ARHGEF10: variants seen among roughly 807,000 people sequenced by gnomAD.
The protein encoded by ARHGEF10 is Rho guanine nucleotide exchange factor (GEF) 10.
In ARHGEF10, 140 loss-of-function variants were observed where a neutral mutation model predicts 147.4. That is an observed-to-expected ratio of 0.95 (90% CI 0.83 to 1.09). The LOEUF (loss-of-function observed/expected upper bound fraction) is 1.09. Among genes scored for constraint, ARHGEF10 ranks in the 50% least tolerant of loss-of-function variants. The pLI is 0.00. For missense variants in ARHGEF10, 2,222 were observed against 1,752.7 expected (o/e 1.27, Z -4.78); for synonymous variants, 902 against 695.8 (o/e 1.30, Z -4.67).
rs943977762 is a variant in ARHGEF10, at chr8:1,882,543, A to G, written c.961-92A>G. The G allele has an allele frequency of 3.3e-5, 35 of 1,060,254 alleles. No individual in the cohort carries two copies. The African/African-American group carries it at 4.2e-4, about 13-fold the overall frequency. The allele number at this position is 1,060,254 out of a possible 1,614,324, so 65.7% of individuals were successfully genotyped here. A position where few individuals can be genotyped will look rare whatever the true frequency, so the allele number is the denominator to read the frequency against. On this transcript the variant is annotated intron_variant, in intron 9 of 28. Transcript: ENST00000349830. ...TGACACATGCGCTCACAAGAACCAGACTACTTGACAGTATTCTTTTAAAAC... is the reference window on the plus strand; with the variant it reads ...TGACACATGCGCTCACAAGAACCAGGCTACTTGACAGTATTCTTTTAAAAC...
At chr8:1,824,461 A>G (rs2129025617) in intron 1 of ARHGEF10, among the ~76,000 whole-genome samples, 1 of 151,962 alleles carries the variant, frequency 6.6e-6, no homozygotes, top group Non-Finnish European at 1.5e-5. Context: ...AGTAACTTAG[A>G]TTTTCCGGTA....
chr8:1,903,339 T>A lies in ARHGEF10; in HGVS notation c.1709T>A (p.Leu570Gln), dbSNP rs1311524344. The change falls in exon 16 of 29, where the codon CTG becomes CAG. Residue 570 changes from leucine (L) to glutamine (Q), a missense_variant. Leu to Gln is a moderately radical substitution (Grantham distance 113). Coordinates refer to ENST00000349830, the MANE Select transcript of ARHGEF10 (RefSeq NM_014629.4). ...HPDRLPLQMA[L>Q]TELETLAEKL... ...GACAGGCTGCCTCTTCAGATGGCCC[T>A]GACAGAGCTCGAAACACTAGCAGAG... 1 of 1,613,990 alleles carries A rather than the reference T, an allele frequency of 6.2e-7. No homozygotes were observed. Among genetic ancestry groups the A allele is most frequent in the Non-Finnish European group, 8.5e-7 (1 of 1,180,050 alleles).
intron 9 of ARHGEF10, 91 bp from the exon 10 acceptor site, chr8:1,882,544 C>T (rs1437050227): frequency 3.0e-5 from 32 of 1,064,464 alleles, no homozygotes; most frequent in Non-Finnish European, 3.8e-5. Flanking sequence ...AAGAACCAGA[C>T]TACTTGACAG....
At position 1,894,902 on chromosome 8, in the gene ARHGEF10, G is replaced by A. The variant is rs574082317; in HGVS notation, c.1440+330G>A. On this transcript the variant is annotated intron_variant, in intron 13 of 28. Coordinates refer to ENST00000349830, the MANE Select transcript of ARHGEF10 (RefSeq NM_014629.4). The stretch of plus-strand genomic sequence containing the variant: ...CTTTTTGTTGTTGAACAAGGATGCC[G>A]TGTGTTTGGCAATGTTGTAAAATTG... Among the ~76,000 whole-genome samples the A allele has an allele frequency of 7.2e-5, 11 of 152,326 alleles. No homozygotes were observed. The South Asian group carries it at 2.1e-3, about 29-fold the overall frequency.
At chr8:1,922,096 A>C (rs777614679) in intron 18 of ARHGEF10, among the ~76,000 whole-genome samples, 1 of 152,034 alleles carries the variant, frequency 6.6e-6, no homozygotes, top group Non-Finnish European at 1.5e-5. Context: ...CTGTCCTCTG[A>C]GCCTGTGGGC....
At chr8:1,856,973 G>A (rs1805599601) in intron 2 of ARHGEF10, among the ~76,000 whole-genome samples, 1 of 152,154 alleles carries the variant, frequency 6.6e-6, no homozygotes, top group Non-Finnish European at 1.5e-5. Flanking sequence ...CTCTGATGGT[G>A]GCACACAGTC....
chr8:1,947,436 CAGAA>C (rs1814684148), intron 27 of ARHGEF10, among the ~76,000 whole-genome samples: 1 of 152,164 alleles, frequency 6.6e-6, no homozygotes, highest in South Asian at 2.1e-4. Flanking sequence ...CGGGTGGGAT[CAGAA>C]AGAAACTCCT....
chr8:1,952,578 C>T (rs1815142365), intron 27 of ARHGEF10, 127 bp from the exon 28 acceptor site: 6 of 1,309,242 alleles, frequency 4.6e-6, no homozygotes, highest in Non-Finnish European at 6.4e-6. Context: ...AACTCCTGTG[C>T]CACATCCTGC....
chr8:1,931,429 C>A (rs1028217226), intron 25 of ARHGEF10, among the ~76,000 whole-genome samples: 2 of 152,244 alleles, frequency 1.3e-5, no homozygotes, highest in Admixed American at 6.5e-5. Context: ...GCTGTCCTGT[C>A]CACTGTGGAG....
Position 1,923,467 on chromosome 8 carries a change from G to A in ARHGEF10, c.2260-1G>A, listed in dbSNP as rs765189822. 1 of 1,614,000 alleles carries A rather than the reference G, an allele frequency of 6.2e-7. No individual in the cohort carries two copies. The highest frequency in any genetic ancestry group is 1.7e-5 in the Admixed American group (1 of 60,006). ...AATGTGCGTATTTATTTCCTTTGTA[G>A]AACTTAAACCAGTCAGTAGCCCATG... On this transcript the variant is annotated splice_acceptor_variant, in intron 19 of 28. Coordinates refer to ENST00000349830, the MANE Select transcript of ARHGEF10 (RefSeq NM_014629.4). LOFTEE classifies it high-confidence loss of function.
intron 8 of ARHGEF10, among the ~76,000 whole-genome samples, chr8:1,879,699 C>T (rs578171781): frequency 4.6e-4 from 70 of 152,048 alleles, no homozygotes; most frequent in African/African-American, 1.5e-3. Context: ...ATCACAGGCG[C>T]GCACCACCCT....
chr8:1,845,097 C>A (rs946154323), intron 2 of ARHGEF10, among the ~76,000 whole-genome samples: 2 of 152,084 alleles, frequency 1.3e-5, no homozygotes, highest in Admixed American at 1.3e-4. Flanking sequence ...CGAGATCCTT[C>A]CACTGAACTC....
chr8:1,866,840 GTTTC>G (rs1935165430), intron 6 of ARHGEF10, among the ~76,000 whole-genome samples: 1 of 152,170 alleles, frequency 6.6e-6, no homozygotes, highest in Admixed American at 6.5e-5. Context: ...CTTCCTGGTC[GTTTC>G]TTTCTAGCAC....
At chr8:1,903,675 A>T (rs1029920177) in intron 16 of ARHGEF10, 1 of 608,584 alleles carries the variant, frequency 1.6e-6, no homozygotes. Flanking sequence ...TAGGAAAGAG[A>T]TTCATACATT....
rs1031940798 is a variant in ARHGEF10 at position 1,933,729 on chromosome 8, G to A, written c.3080-71G>A. ...TCGGGTGTCAGTTACTTAAAATGAT[G>A]TATGACCCCATTTTCCCATTCCTGT... On this transcript the variant is annotated intron_variant, in intron 25 of 28. Coordinates refer to ENST00000349830, the MANE Select transcript of ARHGEF10 (RefSeq NM_014629.4). 27 of 1,570,050 alleles carry A rather than the reference G, an allele frequency of 1.7e-5. No homozygotes were observed. The African/African-American group carries it at 2.0e-4, about 12-fold the overall frequency.
chr8:1,902,173 C>T (rs1339788037), intron 15 of ARHGEF10, among the ~76,000 whole-genome samples: 7 of 152,080 alleles, frequency 4.6e-5, no homozygotes, highest in Middle Eastern at 3.2e-3. Flanking sequence ...CAACAGGCCC[C>T]GGTGTGTGAT....
At chr8:1,871,732 A>T (rs1174236088) in intron 7 of ARHGEF10, among the ~76,000 whole-genome samples, 1 of 152,128 alleles carries the variant, frequency 6.6e-6, no homozygotes, top group Non-Finnish European at 1.5e-5. Flanking sequence ...ACAGAGAATT[A>T]CTTGAACCCG....
chr8:1,945,970 C>T (rs752496671), intron 27 of ARHGEF10: 9 of 497,032 alleles, frequency 1.8e-5, no homozygotes, highest in East Asian at 7.6e-5. Context: ...TTCTCATCAT[C>T]GGTGCAACAA....
intron 8 of ARHGEF10, among the ~76,000 whole-genome samples, chr8:1,879,276 G>A (rs536030669): frequency 2.0e-5 from 3 of 152,256 alleles, no homozygotes; most frequent in Admixed American, 6.5e-5. Context: ...GTGATCTCAG[G>A]TTGGAGACCC....
Sources: allele counts gnomAD v4.1 joint callset (sites outside exome capture counted in the v4.1 genomes callset), GRCh38; gene constraint gnomAD v4.1.1; transcripts MANE v1.5; gene names NCBI Gene and HGNC (gene_info 2026-07-23, HGNC 2026-07-21).